HIPK2: variants seen among roughly 807,000 people sequenced by gnomAD.
The protein encoded by HIPK2 is homeodomain-interacting protein kinase 2.
HIPK2 carries 27 observed loss-of-function variants against 113.7 expected under a neutral mutation model. The ratio of observed to expected loss-of-function variants is 0.24; its 90% confidence interval spans 0.17 to 0.33. HIPK2 has a LOEUF of 0.33. Among genes scored for constraint, HIPK2 ranks in the 10% least tolerant of loss-of-function variants. The pLI is 1.00. For missense variants in HIPK2, 1,257 were observed against 1,588.0 expected, an observed-to-expected ratio of 0.79 and a Z score of 3.54; for synonymous variants, 631 against 642.2, an observed-to-expected ratio of 0.98 and a Z score of 0.26.
intron 1 of HIPK2, among the ~76,000 whole-genome samples, chr7:139,742,742 A>G (rs979776043): frequency 7.2e-5 from 11 of 152,206 alleles, no homozygotes; most frequent in African/African-American, 2.7e-4. Flanking sequence ...AAGCAAAAGG[A>G]GCATGAAGAC....
chr7:139,587,063 T>C (rs1798854776), intron 12 of HIPK2, among the ~76,000 whole-genome samples: 2 of 152,188 alleles, frequency 1.3e-5, no homozygotes, highest in Non-Finnish European at 2.9e-5. Flanking sequence ...TCACTGAATT[T>C]ACACTTAAAA....
chr7:139,626,402 C>T (rs1231979781), intron 6 of HIPK2, among the ~76,000 whole-genome samples, 199 bp downstream of exon 6: 1 of 151,840 alleles, frequency 6.6e-6, no homozygotes, highest in Admixed American at 6.6e-5. Context: ...CACGCCCAGC[C>T]CTGCCCACTT....
chr7:139,599,465 C>T (rs1176621646), intron 11 of HIPK2, among the ~76,000 whole-genome samples: 2 of 152,144 alleles, frequency 1.3e-5, no homozygotes, highest in Non-Finnish European at 2.9e-5. Flanking sequence ...TTCCGAAATG[C>T]CATATAGATG....
intron 9 of HIPK2, among the ~76,000 whole-genome samples, chr7:139,611,961 A>G (rs910201171): frequency 6.6e-6 from 1 of 152,218 alleles, no homozygotes; most frequent in Non-Finnish European, 1.5e-5. Context: ...GTAAATATAA[A>G]GCAGATTTTT....
chr7:139,648,146 T>C (rs1801309256), intron 2 of HIPK2, among the ~76,000 whole-genome samples: 1 of 152,244 alleles, frequency 6.6e-6, no homozygotes, highest in South Asian at 2.1e-4. Flanking sequence ...GACACAGAAC[T>C]GTCTAGTTCC....
intron 6 of HIPK2, 141 bp from the exon 7 acceptor site, chr7:139,620,704 C>G (rs1800205097): frequency 8.7e-7 from 1 of 1,143,336 alleles, no homozygotes; most frequent in African/African-American, 1.6e-5. Flanking sequence ...AACTTTAGGT[C>G]TAAGTTTCTT....
At chr7:139,776,404 G>T (rs1361352251) in intron 1 of HIPK2, among the ~76,000 whole-genome samples, 1 of 149,598 alleles carries the variant, frequency 6.7e-6, no homozygotes, top group Non-Finnish European at 1.5e-5. Context: ...ACTAATAACA[G>T]ATTTTCTTTT....
chr7:139,693,019 CAGG>C (rs2116796035), intron 2 of HIPK2, among the ~76,000 whole-genome samples: 1 of 152,250 alleles, frequency 6.6e-6, no homozygotes, highest in African/African-American at 2.4e-5. Context: ...AGAGCCACTG[CAGG>C]AAGGGGCTGG....
intron 1 of HIPK2, among the ~76,000 whole-genome samples, chr7:139,732,640 C>G (rs1795824706): frequency 6.6e-6 from 1 of 151,480 alleles, no homozygotes; most frequent in Non-Finnish European, 1.5e-5. Flanking sequence ...GCTCTGTGAT[C>G]TCAGCAAGTT....
chr7:139,651,635 A>G (rs1801461468), intron 2 of HIPK2, among the ~76,000 whole-genome samples: 1 of 152,214 alleles, frequency 6.6e-6, no homozygotes, highest in Non-Finnish European at 1.5e-5. Flanking sequence ...GGACAAATGA[A>G]ACACTTACAT....
chr7:139,702,798 C>T (rs1206251891), intron 2 of HIPK2, among the ~76,000 whole-genome samples: 6 of 152,354 alleles, frequency 3.9e-5, no homozygotes, highest in African/African-American at 1.4e-4. Context: ...TCTCTCTGGA[C>T]TTGCAAAGTC....
intron 2 of HIPK2, among the ~76,000 whole-genome samples, chr7:139,636,738 T>C (rs779428656): frequency 4.5e-4 from 69 of 152,252 alleles, no homozygotes; most frequent in Non-Finnish European, 8.8e-4. Context: ...TTAAGCCAGA[T>C]ATTTTGTGGT....
chr7:139,597,166 C>T (rs760095596), intron 11 of HIPK2, 168 bp from the exon 12 acceptor site: 11 of 268,476 alleles, frequency 4.1e-5, no homozygotes, highest in Admixed American at 1.9e-4. Context: ...ATTCAGTGAG[C>T]GGCTACACAG....
rs575822105 is a variant in HIPK2 at position 139,642,292 on chromosome 7, G to C, written c.1104-10567C>G. Reference sequence around the variant, plus strand: ...TGAGCCGCTGTTTGAGCTGGTGACCGGGAGTGGGAGGCGAGGGATTACAGT... The same window carrying C: ...TGAGCCGCTGTTTGAGCTGGTGACCCGGAGTGGGAGGCGAGGGATTACAGT... On this transcript the variant is annotated intron_variant, in intron 2 of 14. Transcript: ENST00000406875. 3.3e-5 allele frequency among the ~76,000 whole-genome samples: 5 copies of C among 152,288 alleles called. No individual in the cohort carries two copies. In the South Asian group the frequency reaches 1.0e-3, roughly 32 times the overall value.
chr7:139,573,678 C>T (rs914067646), intron 14 of HIPK2, among the ~76,000 whole-genome samples: 1 of 152,056 alleles, frequency 6.6e-6, no homozygotes, highest in African/African-American at 2.4e-5. Context: ...CCCGTCTCTA[C>T]TAAAATACAA....
chr7:139,648,900 T>C (rs1220432869), intron 2 of HIPK2, among the ~76,000 whole-genome samples: 1 of 151,888 alleles, frequency 6.6e-6, no homozygotes, highest in East Asian at 1.9e-4. Flanking sequence ...GATTTTTCTA[T>C]GGAAAGAAGC....
At chr7:139,574,420 T>TG (rs1465595349) in intron 14 of HIPK2, among the ~76,000 whole-genome samples, 1 of 152,120 alleles carries the variant, frequency 6.6e-6, no homozygotes, top group Non-Finnish European at 1.5e-5. Flanking sequence ...TTTGAAGTTC[T>TG]GTCAGTCCAA....
chr7:139,745,074 T>C (rs917314678), intron 1 of HIPK2, among the ~76,000 whole-genome samples: 4 of 152,174 alleles, frequency 2.6e-5, no homozygotes, highest in African/African-American at 9.7e-5. Context: ...AGCTGGCGTA[T>C]TGTTCACTGC....
chr7:139,765,348 T>C (rs1335285707), intron 1 of HIPK2, among the ~76,000 whole-genome samples: 1 of 152,310 alleles, frequency 6.6e-6, no homozygotes, highest in Admixed American at 6.5e-5. Flanking sequence ...CTGACAAGAC[T>C]AATAATATTT....
Sources: allele counts gnomAD v4.1 joint callset (sites outside exome capture counted in the v4.1 genomes callset), GRCh38; gene constraint gnomAD v4.1.1; transcripts MANE v1.5; gene names NCBI Gene and HGNC (gene_info 2026-07-23, HGNC 2026-07-21).